The following NCKAP5L variants were observed in gnomAD, a reference collection of about 807,000 sequenced individuals.
NCKAP5L encodes the protein NCK associated protein 5 like.
NCKAP5L carries 54 observed loss-of-function variants against 103.2 expected under a neutral mutation model. The ratio of observed to expected loss-of-function variants is 0.52; its 90% CI spans 0.42 to 0.66. The LOEUF (loss-of-function observed/expected upper bound fraction) is 0.66. NCKAP5L is among the 30% of genes least tolerant of loss of function. The probability of loss-of-function intolerance (pLI) is 0.00; values close to 1 mark genes in which losing one functional copy is unlikely to be tolerated. For missense variants in NCKAP5L, 1,733 were observed against 1,750.6 expected (o/e 0.99, Z 0.18); for synonymous variants, 762 against 748.6 (o/e 1.02, Z -0.29).
intron 6 of NCKAP5L, among the ~76,000 whole-genome samples, chr12:49,799,903 A>G (rs1946099900): frequency 6.6e-6 from 1 of 151,796 alleles, no homozygotes; most frequent in African/African-American, 2.4e-5. Context: ...CACTCTTAAA[A>G]TCTCCCATCC....
chr12:49,814,577 T>A (rs1165293661), intron 1 of NCKAP5L, among the ~76,000 whole-genome samples: 1 of 152,118 alleles, frequency 6.6e-6, no homozygotes, highest in Non-Finnish European at 1.5e-5. Context: ...CCTGGATGAC[T>A]TTTCCCTTGC....
In NCKAP5L at chr12:49,796,705, G is replaced by A; in HGVS notation, c.1155C>T (p.Thr385=). ...CGAAGCCTGGCCTGTGGGCCTCTGG[G>A]GTACCCCCACCCCAAGCTGACTTGG... ...GLPKSAWGGG[T]PEAHRPGFGA... The change falls in exon 8 of 13, where the codon ACC becomes ACT. Residue 385 remains threonine (T), a synonymous_variant. Coordinates refer to ENST00000335999, the MANE Select transcript of NCKAP5L (RefSeq NM_001037806.4). 2 of 1,601,234 alleles carry A rather than the reference G, an allele frequency of 1.2e-6. No homozygotes were observed. The highest frequency in any genetic ancestry group is 1.7e-6 in the Non-Finnish European group (2 of 1,174,070).
rs773102366 is a variant in NCKAP5L at position 49,803,964 on chromosome 12, T to C, written c.81A>G (p.Pro27=). The change falls in exon 3 of 13, where the codon CCA becomes CCG. Residue 27 remains proline, a synonymous_variant. Coordinates refer to ENST00000335999, the MANE Select transcript of NCKAP5L (RefSeq NM_001037806.4). ...PGEGDDGSME[P]GTCQELLHRL... ...GGTGCAGAAGCTCCTGGCAGGTGCC[T>C]GGCTCCATGCTGCCATCATCACCCT... 56 of 1,611,590 alleles carry C rather than the reference T, an allele frequency of 3.5e-5. No individual in the cohort carries two copies. The highest frequency in any genetic ancestry group is 6.7e-5 in the Admixed American group (4 of 59,992).
At chr12:49,798,179 A>G (rs1286327281) in intron 7 of NCKAP5L, among the ~76,000 whole-genome samples, 171 bp downstream of exon 7, 1 of 152,174 alleles carries the variant, frequency 6.6e-6, no homozygotes, top group Non-Finnish European at 1.5e-5. Flanking sequence ...TGCATTACTA[A>G]TGCATTTGCT....
At position 49,795,793 on chromosome 12, in the gene NCKAP5L, C is replaced by T; in HGVS notation, c.2067G>A (p.Arg689=). ...GTCCCCGGGTCTTTTCGGTGCCAGG[C>T]CTGGCTGGCACCCCATTCTTCTCTG... ...LGSEKNGVPA[R]PGTEKTRGPG... is the part of the protein sequence containing the mutation. The change falls in exon 8 of 13, where the codon AGG becomes AGA. Residue 689 remains arginine (R), a synonymous_variant. Transcript: ENST00000335999. The T allele has an allele frequency of 6.3e-7, 1 of 1,577,832 alleles. No individual in the cohort carries two copies. Among genetic ancestry groups the T allele is most frequent in the Non-Finnish European group, 8.6e-7 (1 of 1,162,130 alleles).
chr12:49,794,381 G>A (rs1472464659), intron 8 of NCKAP5L, among the ~76,000 whole-genome samples: 1 of 152,180 alleles, frequency 6.6e-6, no homozygotes. Flanking sequence ...TGTTGTGGCA[G>A]ATGTCAAAGG....
Position 49,818,514 on chromosome 12 carries a change from C to T in NCKAP5L, c.-99+9808G>A, listed in dbSNP as rs374348015. Reference sequence around the variant, plus strand: ...CTGGGACTACAGGCATGCATCACCACGCCCAACTAATTTTTTGGATTTTTT... The same window carrying T: ...CTGGGACTACAGGCATGCATCACCATGCCCAACTAATTTTTTGGATTTTTT... On this transcript the variant is annotated intron_variant, in intron 1 of 12. Transcript: ENST00000335999. Among the ~76,000 whole-genome samples the T allele has an allele frequency of 1.2e-3, 178 of 152,214 alleles. 1 individual carries two copies. Among genetic ancestry groups the T allele is most frequent in the African/African-American group, 3.9e-3 (161 of 41,534 alleles).
At chr12:49,815,504 C>T (rs1465467642) in intron 1 of NCKAP5L, among the ~76,000 whole-genome samples, 1 of 152,174 alleles carries the variant, frequency 6.6e-6, no homozygotes, top group African/African-American at 2.4e-5. Flanking sequence ...CAGGTTGGGT[C>T]CTTCTTTCAA....
Position 49,795,281 on chromosome 12 carries a change from G to T in NCKAP5L, c.2579C>A (p.Ser860Tyr). Residue 860 changes from serine (S) to tyrosine (Y), a missense_variant, in exon 8 of 13, where the codon TCC becomes TAC. By Grantham distance (144) the Ser-to-Tyr change is moderately radical. Coordinates refer to ENST00000335999, the MANE Select transcript of NCKAP5L (RefSeq NM_001037806.4). ...WADCGSTTAQ[S>Y]TPLVPGPTDP... ...AGTGGGGCCAGGTACTAGGGGTGTG[G>T]ACTGGGCCGTGGTACTACCACAGTC... 1 of 1,533,776 alleles carries T rather than the reference G, an allele frequency of 6.5e-7. No homozygotes were observed. Among genetic ancestry groups the T allele is most frequent in the Non-Finnish European group, 8.8e-7 (1 of 1,142,568 alleles).
chr12:49,794,398 T>A (rs1945990162), intron 8 of NCKAP5L, among the ~76,000 whole-genome samples: 1 of 152,192 alleles, frequency 6.6e-6, no homozygotes, highest in African/African-American at 2.4e-5. Flanking sequence ...AAGGGCAAGA[T>A]GGGAAGAGGA....
rs1207492626 is a variant in NCKAP5L at position 49,791,928 on chromosome 12, C to A, written c.3916G>T (p.Ala1306Ser). 6 of 1,612,296 alleles carry A rather than the reference C, an allele frequency of 3.7e-6. No homozygotes were observed. The African/African-American group carries it at 6.7e-5, about 18-fold the overall frequency. The change falls in exon 13 of 13, where the codon GCC becomes TCC. Residue 1306 changes from alanine to serine, a missense_variant. Ala to Ser is a moderately conservative substitution (Grantham distance 99, BLOSUM62 1). Coordinates refer to ENST00000335999, the MANE Select transcript of NCKAP5L (RefSeq NM_001037806.4). ...TCCAGCCCTGGGGGGCCCCCGCTGG[C>A]CACTCTGCCTTCCTCGGCCATGTCC... ...TSDMAEEGRV[A>S]SGGPPGLETS...
At position 49,795,662 on chromosome 12, in the gene NCKAP5L, GT is replaced by G; in HGVS notation, c.2197del (p.Thr733GlnfsTer4). ...AGGTTCCTGCTGCTTCAGGCTGTTT[GT>G]GCCCAAGGCCACTGCCCCCCGTATC... ...GGIRGAVALG[T>X]NSLKQQEPGL... is the part of the protein sequence containing the mutation. On this transcript the variant is annotated frameshift_variant, in exon 8 of 13. Coordinates refer to ENST00000335999, the MANE Select transcript of NCKAP5L (RefSeq NM_001037806.4). LOFTEE classifies it high-confidence loss of function. 6.2e-7 allele frequency: 1 copy of G among 1,612,516 alleles called. No homozygotes were observed. The highest frequency in any genetic ancestry group is 8.5e-7 in the Non-Finnish European group (1 of 1,179,310).
chr12:49,824,870 G>A (rs553136271), intron 1 of NCKAP5L, among the ~76,000 whole-genome samples: 11 of 152,280 alleles, frequency 7.2e-5, no homozygotes, highest in Admixed American at 3.3e-4. Context: ...GCTTTTCCTC[G>A]GTATGTTACA....
Position 49,795,586 on chromosome 12 carries a change from C to A in NCKAP5L, c.2274G>T (p.Gly758=), listed in dbSNP as rs761581422. 16 of 1,560,484 alleles carry A rather than the reference C, an allele frequency of 1.0e-5. 1 individual carries two copies. The South Asian group carries it at 1.8e-4, about 18-fold the overall frequency. Residue 758 remains glycine (G), a synonymous_variant, in exon 8 of 13, where the codon GGG becomes GGT. Transcript: ENST00000335999. ...GARVYSSHSM[G]ARVDLEPVSP... ...AGACAGGCTCCAGGTCCACCCGGGC[C>A]CCCATGGAGTGAGAGGAGTAGACTC... is the stretch of plus-strand genomic sequence containing the variant.
At chr12:49,799,917 CG>C (rs1946100043) in intron 6 of NCKAP5L, among the ~76,000 whole-genome samples, 1 of 152,210 alleles carries the variant, frequency 6.6e-6, no homozygotes, top group South Asian at 2.1e-4. Flanking sequence ...CCCATCCGGC[CG>C]GGCATGGTGG....
At position 49,795,486 on chromosome 12, in the gene NCKAP5L, G is replaced by A. The variant is rs767384011; in HGVS notation, c.2374C>T (p.Arg792Cys). The change falls in exon 8 of 13, where the codon CGT becomes TGT. Residue 792 changes from arginine to cysteine, a missense_variant. Coordinates refer to ENST00000335999, the MANE Select transcript of NCKAP5L (RefSeq NM_001037806.4). ...GAGGTTGGCACTTTGGCAGGGGTAC[G>A]GGGTACCTGGGGGCACAGGGCCCCT... ...LAGALCPQVP[R>C]TPAKVPTSAP... The A allele has an allele frequency of 2.7e-5, 41 of 1,535,276 alleles. No individual in the cohort carries two copies. Among genetic ancestry groups the A allele is most frequent in the Admixed American group, 4.3e-5 (2 of 45,996 alleles).
intron 1 of NCKAP5L, among the ~76,000 whole-genome samples, chr12:49,824,422 C>T (rs1946394233): frequency 6.6e-6 from 1 of 152,234 alleles, no homozygotes; most frequent in Non-Finnish European, 1.5e-5. Flanking sequence ...GGACCCCAGC[C>T]CATCTCTGAA....
At chr12:49,812,916 T>A (rs1337528634) in intron 1 of NCKAP5L, among the ~76,000 whole-genome samples, 1 of 152,238 alleles carries the variant, frequency 6.6e-6, no homozygotes. Context: ...AGTATTTGCA[T>A]AAAACCTAAA....
At chr12:49,800,172 G>A (rs1799494801) in intron 6 of NCKAP5L, among the ~76,000 whole-genome samples, 1 of 152,238 alleles carries the variant, frequency 6.6e-6, no homozygotes, top group Admixed American at 6.5e-5. Context: ...TCCAGCCTGG[G>A]CAACAAGAGT....
Sources: gnomAD v4.1 joint callset for allele counts (sites outside exome capture counted in the v4.1 genomes callset) on GRCh38, gnomAD v4.1.1 for gene constraint, MANE v1.5 for transcripts, NCBI Gene and HGNC (gene_info 2026-07-23, HGNC 2026-07-21) for gene names.